The following HS6ST3 variants were observed in gnomAD, a reference collection of about 807,000 sequenced individuals.
HS6ST3 encodes the protein heparan-sulfate 6-O-sulfotransferase 3.
A neutral mutation model predicts 36.7 loss-of-function variants in HS6ST3; 12 were observed. That is an observed-to-expected ratio of 0.33 (90% CI 0.21 to 0.53). The LOEUF is 0.53. Among genes scored for constraint, HS6ST3 ranks in the 20% least tolerant of loss-of-function variants. The probability of loss-of-function intolerance (pLI) is 0.95; values close to 1 mark genes in which losing one functional copy is unlikely to be tolerated. For missense variants in HS6ST3, 584 were observed against 640.9 expected, an observed-to-expected ratio of 0.91 and a Z score of 0.96; for synonymous variants, 240 against 257.5, an observed-to-expected ratio of 0.93 and a Z score of 0.65.
At chr13:96,678,957 A>G (rs2138436284) in intron 1 of HS6ST3, among the ~76,000 whole-genome samples, 1 of 151,996 alleles carries the variant, frequency 6.6e-6, no homozygotes, top group South Asian at 2.1e-4. Context: ...TATTCACAAA[A>G]CAGTGCATTA....
At chr13:96,293,376 T>G (rs1594745204) in intron 1 of HS6ST3, among the ~76,000 whole-genome samples, 1 of 151,962 alleles carries the variant, frequency 6.6e-6, no homozygotes, top group East Asian at 1.9e-4. Context: ...TTTGATACTG[T>G]TCTTCAGATA....
chr13:96,545,333 A>G (rs1052108758), intron 1 of HS6ST3, among the ~76,000 whole-genome samples: 2 of 152,208 alleles, frequency 1.3e-5, no homozygotes, highest in African/African-American at 4.8e-5. Context: ...TCAGCTGAAC[A>G]TAGTAAAGAG....
rs2053917273 is a variant in HS6ST3 at position 96,119,895 on chromosome 13, CT to C, written c.707+28327del. On this transcript the variant is annotated intron_variant, in intron 1 of 1. Transcript: ENST00000376705. ...TAATAGGAAAAAAAAAAAAAGGAAA[CT>C]GTGCTCTACCCTAGGGGATTATTCA... Among the ~76,000 whole-genome samples the C allele has an allele frequency of 3.4e-5, 5 of 147,790 alleles. No individual in the cohort carries two copies. In the South Asian group the frequency reaches 1.1e-3, roughly 32 times the overall value.
At chr13:96,360,646 C>CAAAAAA (rs5805964) in intron 1 of HS6ST3, among the ~76,000 whole-genome samples, 1 of 134,414 alleles carries the variant, frequency 7.4e-6, no homozygotes, top group Non-Finnish European at 1.6e-5. Context: ...TTTGTATTAT[C>CAAAAAA]AAAAAAAAAA....
At chr13:96,723,542 A>G (rs1875909435) in intron 1 of HS6ST3, among the ~76,000 whole-genome samples, 1 of 152,174 alleles carries the variant, frequency 6.6e-6, no homozygotes, top group African/African-American at 2.4e-5. Flanking sequence ...ACCTAATTGT[A>G]ACTGATAAAA....
chr13:96,609,266 G>A (rs148141808), intron 1 of HS6ST3, among the ~76,000 whole-genome samples: 2,606 of 151,898 alleles, frequency 0.017, 76 homozygotes, highest in African/African-American at 0.058. Context: ...CACCACGGCC[G>A]GCCTCTTTTA....
chr13:96,431,876 T>C (rs552656296), intron 1 of HS6ST3, among the ~76,000 whole-genome samples: 2 of 152,318 alleles, frequency 1.3e-5, no homozygotes, highest in South Asian at 2.1e-4. Context: ...GGTTATTTGT[T>C]TTATATAGTC....
At chr13:96,267,219 G>T (rs1403824507) in intron 1 of HS6ST3, among the ~76,000 whole-genome samples, 1 of 152,140 alleles carries the variant, frequency 6.6e-6, no homozygotes, top group Admixed American at 6.5e-5. Context: ...CAGCCATGTG[G>T]AACTGTGAGT....
Position 96,751,334 on chromosome 13 carries a change from G to T in HS6ST3, c.708-81156G>T, listed in dbSNP as rs563813665. 5.3e-5 allele frequency among the ~76,000 whole-genome samples: 8 copies of T among 152,234 alleles called. No individual in the cohort carries two copies. The East Asian group carries it at 1.5e-3, about 29-fold the overall frequency. On this transcript the variant is annotated intron_variant, in intron 1 of 1. Transcript: ENST00000376705. ...GATAAAGGCAGAAAGAAACTAGAGA[G>T]ACCCAGAGAAGAGGGTGGGGTGAAG...
intron 1 of HS6ST3, among the ~76,000 whole-genome samples, chr13:96,112,589 A>ATATT (rs2053874885): frequency 1.8e-5 from 1 of 57,072 alleles, no homozygotes; most frequent in Admixed American, 1.7e-4. Context: ...ATATATATAT[A>ATATT]TATATATATA....
At chr13:96,488,751 T>G (rs1384767964) in intron 1 of HS6ST3, among the ~76,000 whole-genome samples, 2 of 152,062 alleles carry the variant, frequency 1.3e-5, no homozygotes, top group Non-Finnish European at 2.9e-5. Context: ...AAGTGGAAGA[T>G]GCATGTAATT....
At chr13:96,658,029 T>G (rs1385118058) in intron 1 of HS6ST3, among the ~76,000 whole-genome samples, 2 of 152,116 alleles carry the variant, frequency 1.3e-5, no homozygotes, top group African/African-American at 4.8e-5. Context: ...GTTGTACCTC[T>G]TCCCCATGGG....
intron 1 of HS6ST3, among the ~76,000 whole-genome samples, chr13:96,322,083 A>G (rs927925784): frequency 3.3e-5 from 5 of 152,108 alleles, no homozygotes; most frequent in Non-Finnish European, 7.4e-5. Context: ...CTTCATAACA[A>G]TGACCACAGA....
At chr13:96,760,811 T>A (rs1397336647) in intron 1 of HS6ST3, among the ~76,000 whole-genome samples, 4 of 152,058 alleles carry the variant, frequency 2.6e-5, no homozygotes, top group African/African-American at 9.7e-5. Flanking sequence ...TATCAAGAGG[T>A]TTTTTCTGCT....
At chr13:96,158,905 T>A (rs2054123239) in intron 1 of HS6ST3, among the ~76,000 whole-genome samples, 1 of 151,886 alleles carries the variant, frequency 6.6e-6, no homozygotes, top group Non-Finnish European at 1.5e-5. Context: ...GGGTCCTTTG[T>A]GATGATGACT....
At chr13:96,626,607 TTCCATGTAAAATTCTGAACCTATTTG>T (rs1458662630) in intron 1 of HS6ST3, among the ~76,000 whole-genome samples, 23 of 152,166 alleles carry the variant, frequency 1.5e-4, no homozygotes, top group African/African-American at 5.5e-4. Context: ...TCATTTACTA[TTCCATGTAAAATTCTGAACCTATTTG>T]TCTGTAGAAA....
chr13:96,704,397 C>G (rs1875366499), intron 1 of HS6ST3, among the ~76,000 whole-genome samples: 1 of 152,054 alleles, frequency 6.6e-6, no homozygotes, highest in Non-Finnish European at 1.5e-5. Context: ...ACACCCTTGT[C>G]AAGAGAAAAT....
intron 1 of HS6ST3, among the ~76,000 whole-genome samples, chr13:96,665,323 G>T (rs1256497226): frequency 6.6e-6 from 1 of 152,120 alleles, no homozygotes. Flanking sequence ...TAGCAATGGA[G>T]CTGGAGACAT....
chr13:96,748,368 AG>A (rs1053506082), intron 1 of HS6ST3, among the ~76,000 whole-genome samples: 4 of 152,198 alleles, frequency 2.6e-5, no homozygotes, highest in African/African-American at 9.6e-5. Flanking sequence ...TGTTATGAAA[AG>A]GGTAGGAATC....
Sources: allele counts gnomAD v4.1 joint callset (sites outside exome capture counted in the v4.1 genomes callset), GRCh38; gene constraint gnomAD v4.1.1; transcripts MANE v1.5; gene names NCBI Gene and HGNC (gene_info 2026-07-23, HGNC 2026-07-21).